RASA2: variants seen among roughly 807,000 people sequenced by gnomAD.
RASA2 encodes the protein ras GTPase-activating protein 2.
In RASA2, 155 loss-of-function variants were observed where a neutral mutation model predicts 118.2. The ratio of observed to expected loss-of-function variants is 1.31; its 90% CI spans 1.15 to 1.50. The LOEUF (loss-of-function observed/expected upper bound fraction) is 1.50. RASA2 is among the 40% of genes most tolerant of loss of function. RASA2 has a pLI of 0.00. For missense variants in RASA2, 1,016 were observed against 1,009.6 expected, an observed-to-expected ratio of 1.01 and a Z score of -0.09; for synonymous variants, 353 against 349.1, an observed-to-expected ratio of 1.01 and a Z score of -0.12.
intron 23 of RASA2, among the ~76,000 whole-genome samples, chr3:141,610,497 T>TAATATATATATATATATA (rs2083633192): frequency 2.3e-5 from 3 of 132,210 alleles, no homozygotes; most frequent in Non-Finnish European, 4.6e-5. Context: ...ATATATATAT[T>TAATATATATATATATATA]TAGTTTTTGT....
chr3:141,605,752 G>A (rs552716418), intron 19 of RASA2, among the ~76,000 whole-genome samples: 2 of 150,444 alleles, frequency 1.3e-5, no homozygotes, highest in Non-Finnish European at 2.9e-5. Flanking sequence ...TCCTTAACTG[G>A]TGATTTTTTT....
At chr3:141,608,350 CATA>C (rs1342976611) in intron 20 of RASA2, 136 bp from the exon 21 acceptor site, 7 of 783,786 alleles carry the variant, frequency 8.9e-6, no homozygotes, top group Non-Finnish European at 8.2e-6. Context: ...TTGCTTGAAA[CATA>C]ATAATTTCTA....
At chr3:141,493,630 GGTATAGTTACA>G (rs1668228718) in intron 1 of RASA2, among the ~76,000 whole-genome samples, 1 of 152,010 alleles carries the variant, frequency 6.6e-6, no homozygotes, top group Non-Finnish European at 1.5e-5. Context: ...TAGAAAGGTT[GGTATAGTTACA>G]GTGAGATTTT....
intron 9 of RASA2, among the ~76,000 whole-genome samples, chr3:141,562,553 C>G (rs13085400): frequency 1 from 150,843 of 150,868 alleles, 75,409 homozygotes; most frequent in Middle Eastern, 1. Flanking sequence ...CACCTGGGAG[C>G]GGGAGCTTAC....
At chr3:141,528,056 T>C (rs1014050021) in intron 3 of RASA2, among the ~76,000 whole-genome samples, 1 of 151,938 alleles carries the variant, frequency 6.6e-6, no homozygotes, top group Non-Finnish European at 1.5e-5. Context: ...GACCAATTTA[T>C]TTTAAAATTT....
intron 4 of RASA2, among the ~76,000 whole-genome samples, chr3:141,537,384 TTA>T (rs1303211980): frequency 5.9e-5 from 9 of 152,344 alleles, no homozygotes; most frequent in Non-Finnish European, 7.4e-5. Flanking sequence ...TCATTTTGGT[TTA>T]TTGCTTAGTT....
chr3:141,505,087 G>T (rs1286799480), intron 1 of RASA2, among the ~76,000 whole-genome samples: 2 of 151,996 alleles, frequency 1.3e-5, no homozygotes, highest in Non-Finnish European at 2.9e-5. Context: ...TACCCTCTGG[G>T]CCTGCCATTC....
intron 14 of RASA2, among the ~76,000 whole-genome samples, chr3:141,574,899 TTTTAAGG>T (rs1323878143): frequency 4.4e-4 from 67 of 152,192 alleles, no homozygotes; most frequent in African/African-American, 1.5e-3. Flanking sequence ...ATACATAGAG[TTTTAAGG>T]TACATATATC....
intron 19 of RASA2, chr3:141,600,434 A>G (rs1199914604): frequency 4.7e-6 from 2 of 424,070 alleles, no homozygotes; most frequent in Non-Finnish European, 9.6e-6. Flanking sequence ...GCCCCCGACC[A>G]CATTCTAATA....
chr3:141,499,608 AT>A (rs527275193), intron 1 of RASA2, among the ~76,000 whole-genome samples: 5 of 150,080 alleles, frequency 3.3e-5, no homozygotes, highest in African/African-American at 4.9e-5. Context: ...TAATGTGTTG[AT>A]TTTTTTTTTG....
chr3:141,574,819 T>C (rs1185454868), intron 14 of RASA2, among the ~76,000 whole-genome samples: 2 of 152,242 alleles, frequency 1.3e-5, no homozygotes, highest in East Asian at 1.9e-4. Context: ...TTGAGAATGC[T>C]AATAAGGTTT....
At chr3:141,576,074 G>A (rs563362542) in intron 14 of RASA2, among the ~76,000 whole-genome samples, 1 of 152,146 alleles carries the variant, frequency 6.6e-6, no homozygotes, top group Non-Finnish European at 1.5e-5. Context: ...ACCGCGCCCG[G>A]CCAACACTTT....
chr3:141,560,604 A>G (rs2082716730), intron 9 of RASA2, among the ~76,000 whole-genome samples: 1 of 152,200 alleles, frequency 6.6e-6, no homozygotes, highest in Admixed American at 6.5e-5. Flanking sequence ...ACTGATGTTA[A>G]ATTCAAATTA....
chr3:141,507,043 T>A (rs1015627699), intron 1 of RASA2, among the ~76,000 whole-genome samples: 1 of 152,230 alleles, frequency 6.6e-6, no homozygotes, highest in African/African-American at 2.4e-5. Context: ...AGAAATATTT[T>A]GTGAAGGTAG....
chr3:141,550,484 A>G (rs1212663028), intron 5 of RASA2, among the ~76,000 whole-genome samples: 3 of 152,234 alleles, frequency 2.0e-5, no homozygotes, highest in Non-Finnish European at 2.9e-5. Context: ...TCCTAGATCA[A>G]AAAAGGACAT....
rs1305525935 is a variant in RASA2 at position 141,581,098 on chromosome 3, A to T, written c.1675-2A>T. 6.6e-7 allele frequency: 1 copy of T among 1,526,528 alleles called. No individual in the cohort carries two copies. The highest frequency in any genetic ancestry group is 8.7e-7 in the Non-Finnish European group (1 of 1,145,190). 94.6% of individuals were successfully genotyped at this position (1,526,528 alleles called of 1,614,324 possible). On this transcript the variant is annotated splice_acceptor_variant, in intron 16 of 23. Transcript: ENST00000286364. LOFTEE classifies it high-confidence loss of function. ...ATAAACCCTGTGTTTGTTTTTTCTT[A>T]GTCAAGTTTCAAAGAGACATTCATG...
chr3:141,519,458 A>G lies in RASA2; in HGVS notation c.355+3027A>G, dbSNP rs11717686. On this transcript the variant is annotated intron_variant, in intron 3 of 23. Coordinates refer to ENST00000286364, the MANE Select transcript of RASA2 (RefSeq NM_006506.5). ...TTTTTCTTTTGGTTGGAGTTCTAAC[A>G]TTTATCCTTAAGCCTTCTTATTTTT... 9.0e-3 allele frequency among the ~76,000 whole-genome samples: 1,377 copies of G among 152,212 alleles called. 36 individuals carry two copies. The highest frequency in any genetic ancestry group is 0.057 in the Admixed American group (870 of 15,276).
intron 1 of RASA2, among the ~76,000 whole-genome samples, chr3:141,498,881 T>C (rs2081739660): frequency 2.0e-5 from 3 of 152,194 alleles, no homozygotes; most frequent in African/African-American, 7.2e-5. Flanking sequence ...CCAGAAGAGA[T>C]TCCTGCCATA....
intron 6 of RASA2, among the ~76,000 whole-genome samples, chr3:141,555,405 T>C (rs927392175): frequency 2.0e-5 from 3 of 152,164 alleles, no homozygotes; most frequent in Non-Finnish European, 4.4e-5. Context: ...ATAATTAAAT[T>C]AAAAGATTTT....
Sources: gnomAD v4.1 joint callset for allele counts (sites outside exome capture counted in the v4.1 genomes callset) on GRCh38, gnomAD v4.1.1 for gene constraint, MANE v1.5 for transcripts, NCBI Gene and HGNC (gene_info 2026-07-23, HGNC 2026-07-21) for gene names.